CHST6: variants seen among roughly 807,000 people sequenced by gnomAD.
CHST6 encodes N-acetylglucosamine 6-O-sulfotransferase 5.
For missense variants in CHST6, 698 were observed against 586.2 expected (o/e 1.19, Z -1.97); for synonymous variants, 309 against 276.4 (o/e 1.12, Z -1.17).
At chr16:75,489,770 A>G (rs1432689436) in intron 1 of CHST6, among the ~76,000 whole-genome samples, 4 of 152,080 alleles carry the variant, frequency 2.6e-5, no homozygotes. Flanking sequence ...TAGTTTTTTA[A>G]GAATAAGCAT....
rs1020008483 is a variant in CHST6, at chr16:75,478,526, G to T, written c.*115C>A. 3 of 1,027,228 alleles carry T rather than the reference G, an allele frequency of 2.9e-6. No individual in the cohort carries two copies. The highest frequency in any genetic ancestry group is 1.3e-5 in the South Asian group (1 of 76,192). The allele number at this position is 1,027,228 out of a possible 1,614,324, so 63.6% of individuals were successfully genotyped here. ...CTTGCCTACTTGGGGAGGGGGAGGG[G>T]TCGTACCACAAACTCCTTGGTCAAT... is the stretch of plus-strand genomic sequence containing the variant. On this transcript the variant is annotated 3_prime_UTR_variant, in exon 3 of 3. Transcript: ENST00000332272.
Position 75,481,850 on chromosome 16 carries a change from T to A in CHST6, c.-50A>T. 1 of 592,188 alleles carries A rather than the reference T, an allele frequency of 1.7e-6. No homozygotes were observed. The highest frequency in any genetic ancestry group is 2.9e-6 in the Non-Finnish European group (1 of 340,090). The allele number at this position is 592,188 out of a possible 1,614,324, so 36.7% of individuals were successfully genotyped here. A position where few individuals can be genotyped will look rare whatever the true frequency, so the allele number is the denominator to read the frequency against. On this transcript the variant is annotated 5_prime_UTR_variant, in exon 2 of 3. Coordinates refer to ENST00000332272, the MANE Select transcript of CHST6 (RefSeq NM_021615.5). ...AGGGCTGCTGGGAGAGCTGCAACGC[T>A]GATCACAAATCCATGGGAGATGATT...
chr16:75,479,580 G>T lies in CHST6; in HGVS notation c.249C>A (p.Gly83=). The T allele has an allele frequency of 1.2e-6, 2 of 1,613,010 alleles. No homozygotes were observed. Among genetic ancestry groups the T allele is most frequent in the Non-Finnish European group, 1.7e-6 (2 of 1,179,906 alleles). ...CAGCCATGTGCAGCGTTGCGGCGCT[G>T]CCCTGCGACAGGGTGGTCCACACGT... The part of the protein sequence containing the change: ...AWHVWTTLSQ[G]SAATLHMAVR... Residue 83 remains glycine (G), a synonymous_variant, in exon 3 of 3, where the codon GGC becomes GGA. Transcript: ENST00000332272.
At chr16:75,483,762 G>T (rs2080166722) in intron 1 of CHST6, among the ~76,000 whole-genome samples, 1 of 152,202 alleles carries the variant, frequency 6.6e-6, no homozygotes. Context: ...GGTAACTCAT[G>T]CCTGTAATTA....
chr16:75,479,333 G>C lies in CHST6; in HGVS notation c.496C>G (p.Arg166Gly), dbSNP rs141965945. 1.0e-4 allele frequency: 166 copies of C among 1,612,864 alleles called. No individual in the cohort carries two copies. In the Middle Eastern group the frequency reaches 1.3e-3, roughly 13 times the overall value. The stretch of plus-strand genomic sequence containing the variant: ...TTGAGCACCACGTGGCTGTAGGAGC[G>C]GCAGGCCTCCCGGGCCAGGGTGAAG... ...QSFTLAREAC[R>G]SYSHVVLKEV... The change falls in exon 3 of 3, where the codon CGC (arginine) becomes GGC (glycine). Residue 166 changes from arginine (R) to glycine (G), a missense_variant. Coordinates refer to ENST00000332272, the MANE Select transcript of CHST6 (RefSeq NM_021615.5).
intron 1 of CHST6, among the ~76,000 whole-genome samples, chr16:75,492,580 G>A (rs2080268068): frequency 3.3e-5 from 5 of 152,230 alleles, no homozygotes; most frequent in Admixed American, 3.3e-4. Flanking sequence ...CGGGCGCGGT[G>A]GCTCACGCCT....
At chr16:75,482,845 G>T (rs1306938590) in intron 1 of CHST6, among the ~76,000 whole-genome samples, 1 of 152,070 alleles carries the variant, frequency 6.6e-6, no homozygotes, top group Non-Finnish European at 1.5e-5. Flanking sequence ...GGGGTGGGTG[G>T]AGGATGCCCA....
rs771050263 is a variant in CHST6 at position 75,474,777 on chromosome 16, T to C, written c.*3864A>G. The C allele has an allele frequency of 2.3e-5, 9 of 398,092 alleles. No individual in the cohort carries two copies. Among genetic ancestry groups the C allele is most frequent in the Non-Finnish European group, 4.0e-5 (9 of 225,880 alleles). 24.7% of individuals were successfully genotyped at this position (398,092 alleles called of 1,614,324 possible). A position where few individuals can be genotyped will look rare whatever the true frequency, so the allele number is the denominator to read the frequency against. On this transcript the variant is annotated 3_prime_UTR_variant, in exon 3 of 3. Transcript: ENST00000332272. ...CATTTAAAAGGCACCACTCTCAGGA[T>C]AACCAACTCACTCCTGAAATAATGG...
chr16:75,472,256 G>A lies in CHST6; in HGVS notation c.*6385C>T, dbSNP rs911687897. ...CAAACTTTACACTTTATGTGCAGAT[G>A]TTGTATATCAATTATAGCTCAATGA... is the stretch of plus-strand genomic sequence containing the variant. On this transcript the variant is annotated 3_prime_UTR_variant, in exon 3 of 3. Transcript: ENST00000332272. The A allele has an allele frequency of 1.3e-4, 20 of 152,202 alleles. No individual in the cohort carries two copies. The highest frequency in any genetic ancestry group is 7.2e-4 in the Admixed American group (11 of 15,280). The allele number at this position is 152,202 out of a possible 1,614,324, so 9.4% of individuals were successfully genotyped here.
chr16:75,493,883 T>C (rs1190324798), intron 1 of CHST6, among the ~76,000 whole-genome samples: 3 of 152,174 alleles, frequency 2.0e-5, no homozygotes, highest in African/African-American at 4.8e-5. Flanking sequence ...GTCTCGCTGT[T>C]GTCCAGACTG....
chr16:75,486,596 C>T (rs1245338274), intron 1 of CHST6, among the ~76,000 whole-genome samples: 1 of 152,176 alleles, frequency 6.6e-6, no homozygotes, highest in Non-Finnish European at 1.5e-5. Context: ...TTGTTGATCA[C>T]AAGGGAAGAG....
chr16:75,481,945 A>G, intron 1 of CHST6, 54 bp from the exon 2 acceptor site: 1 of 441,358 alleles, frequency 2.3e-6, no homozygotes, highest in Non-Finnish European at 4.6e-6. Flanking sequence ...GATAGCCCCA[A>G]AAGCGACACA....
chr16:75,486,675 A>T (rs1013188313), intron 1 of CHST6, among the ~76,000 whole-genome samples: 1 of 152,246 alleles, frequency 6.6e-6, no homozygotes, highest in Non-Finnish European at 1.5e-5. Flanking sequence ...GCAAGCTGAC[A>T]GCACCATCTA....
At position 75,481,867 on chromosome 16, in the gene CHST6, G is replaced by A. The variant is rs1021328261; in HGVS notation, c.-67C>T. 2.5e-5 allele frequency: 14 copies of A among 556,100 alleles called. No individual in the cohort carries two copies. In the Admixed American group the frequency reaches 3.3e-4, roughly 13 times the overall value. The allele number at this position is 556,100 out of a possible 1,614,324, so 34.4% of individuals were successfully genotyped here. On this transcript the variant is annotated 5_prime_UTR_variant, in exon 2 of 3. Transcript: ENST00000332272. ...TGCAACGCTGATCACAAATCCATGG[G>A]AGATGATTAGAGGTTCCTCAGCACC...
chr16:75,482,810 C>T (rs978951001), intron 1 of CHST6, among the ~76,000 whole-genome samples: 5 of 152,250 alleles, frequency 3.3e-5, no homozygotes, highest in African/African-American at 2.4e-5. Context: ...TCCTCTCTGC[C>T]CATTTCCCTC....
chr16:75,493,127 G>C (rs886808593), intron 1 of CHST6, among the ~76,000 whole-genome samples: 7 of 152,096 alleles, frequency 4.6e-5, no homozygotes, highest in African/African-American at 1.7e-4. Context: ...AGTAGGTATA[G>C]AGCACTGAGG....
At chr16:75,482,874 G>A (rs888962556) in intron 1 of CHST6, among the ~76,000 whole-genome samples, 17 of 152,140 alleles carry the variant, frequency 1.1e-4, no homozygotes, top group African/African-American at 2.4e-4. Context: ...GTCACCAGCC[G>A]ACTCCAGATC....
chr16:75,482,915 A>T (rs1183080326), intron 1 of CHST6, among the ~76,000 whole-genome samples: 1 of 152,236 alleles, frequency 6.6e-6, no homozygotes, highest in East Asian at 1.9e-4. Context: ...CCTGGAAGAC[A>T]GGGAGAGTAG....
At position 75,479,010 on chromosome 16, in the gene CHST6, G is replaced by A. The variant is rs1029969622; in HGVS notation, c.819C>T (p.Phe273=). 10 of 1,611,650 alleles carry A rather than the reference G, an allele frequency of 6.2e-6. No homozygotes were observed. The highest frequency in any genetic ancestry group is 2.2e-5 in the East Asian group (1 of 44,880). ...CCAGCGGCTCCCGCGCCAGGTCCTC[G>A]AAGCGCACCAGGCGGTAGCGGCCGC... ...FLRGRYRLVR[F]EDLAREPLAE... Residue 273 remains phenylalanine, a synonymous_variant, in exon 3 of 3, where the codon TTC becomes TTT. Transcript: ENST00000332272.
Sources: allele counts gnomAD v4.1 joint callset (sites outside exome capture counted in the v4.1 genomes callset), GRCh38; gene constraint gnomAD v4.1.1; transcripts MANE v1.5; gene names NCBI Gene and HGNC (gene_info 2026-07-23, HGNC 2026-07-21).